Variants in CARMIL1 observed in about 807,000 individuals in gnomAD.
The protein encoded by CARMIL1 is capping protein regulator and myosin 1 linker 1.
Under a neutral mutation model 177.1 loss-of-function variants are expected in CARMIL1, and 90 were observed. The observed-to-expected ratio is 0.51, with a 90% confidence interval of 0.43 to 0.61. CARMIL1 has a LOEUF of 0.61. Among genes scored for constraint, CARMIL1 ranks in the 20% least tolerant of loss-of-function variants. The pLI is 0.00. For synonymous variants in CARMIL1, 577 were observed against 606.2 expected (o/e 0.95, Z 0.71); for missense variants, 1,380 against 1,667.0 (o/e 0.83, Z 3.00).
At position 25,345,145 on chromosome 6, in the gene CARMIL1, C is replaced by T. The variant is rs545141220; in HGVS notation, c.138+60236C>T. Among the ~76,000 whole-genome samples, 19 of 152,216 alleles carry T rather than the reference C, an allele frequency of 1.2e-4. No homozygotes were observed. The South Asian group carries it at 3.5e-3, about 28-fold the overall frequency. On this transcript the variant is annotated intron_variant, in intron 2 of 36. Coordinates refer to ENST00000329474, the MANE Select transcript of CARMIL1 (RefSeq NM_017640.6). ...GGGGCCACGGGTAGCATTTCCTTGC[C>T]GAAGCCCATGGTCAGGACCCACTCC...
At chr6:25,498,899 T>C (rs1399037620) in intron 16 of CARMIL1, among the ~76,000 whole-genome samples, 7 of 152,196 alleles carry the variant, frequency 4.6e-5, no homozygotes. Flanking sequence ...AGATGAGATA[T>C]ACCCAGTCTT....
intron 4 of CARMIL1, chr6:25,432,913 T>TATG: frequency 6.6e-6 from 1 of 152,204 alleles, no homozygotes; most frequent in South Asian, 2.1e-4. Context: ...TCTCTATTAT[T>TATG]TTAAATGTAT....
At chr6:25,594,575 A>C in intron 32 of CARMIL1, 48 bp downstream of exon 32, 2 of 1,028,854 alleles carry the variant, frequency 1.9e-6, no homozygotes, top group Non-Finnish European at 3.0e-6. Flanking sequence ...TTCATATTTA[A>C]ATTACTAACA....
At chr6:25,299,846 C>T (rs1269734853) in intron 2 of CARMIL1, among the ~76,000 whole-genome samples, 2 of 151,748 alleles carry the variant, frequency 1.3e-5, no homozygotes, top group African/African-American at 2.4e-5. Flanking sequence ...GGTGTGGTGG[C>T]GGGTGCCTGT....
At chr6:25,317,678 A>C (rs1471405775) in intron 2 of CARMIL1, among the ~76,000 whole-genome samples, 1 of 149,478 alleles carries the variant, frequency 6.7e-6, no homozygotes, top group Non-Finnish European at 1.5e-5. Context: ...CCCCTACCTC[A>C]TTCTCCTGAC....
chr6:25,548,512 ATATT>A (rs1301969656), intron 26 of CARMIL1, among the ~76,000 whole-genome samples: 2 of 152,096 alleles, frequency 1.3e-5, no homozygotes, highest in Non-Finnish European at 2.9e-5. Flanking sequence ...TTGTAGATAA[ATATT>A]TGGTTGAGAC....
chr6:25,400,824 T>TCATC (rs1428954199), intron 2 of CARMIL1, among the ~76,000 whole-genome samples: 3 of 152,194 alleles, frequency 2.0e-5, no homozygotes, highest in Admixed American at 1.3e-4. Context: ...ATCTTCAGTG[T>TCATC]CATCATGAAA....
chr6:25,426,412 AT>A (rs5875038), intron 3 of CARMIL1, 88 bp from the exon 4 acceptor site: 291,080 of 757,288 alleles, frequency 0.38, 21,124 homozygotes, highest in African/African-American at 0.47. Flanking sequence ...TAGTTGTAGG[AT>A]TTTTTTTTTT....
intron 29 of CARMIL1, among the ~76,000 whole-genome samples, chr6:25,570,487 T>G (rs1811980706): frequency 1.3e-5 from 2 of 152,206 alleles, no homozygotes; most frequent in South Asian, 4.1e-4. Context: ...ATTTTTACTT[T>G]TGCAGCAGTT....
At chr6:25,500,785 T>G (rs1228063271) in intron 17 of CARMIL1, among the ~76,000 whole-genome samples, 1 of 152,088 alleles carries the variant, frequency 6.6e-6, no homozygotes. Flanking sequence ...CTTCTTTTTT[T>G]GAGATGGAGT....
Position 25,380,601 on chromosome 6 carries a change from C to G in CARMIL1, c.139-39513C>G, listed in dbSNP as rs558386773. On this transcript the variant is annotated intron_variant, in intron 2 of 36. Coordinates refer to ENST00000329474, the MANE Select transcript of CARMIL1 (RefSeq NM_017640.6). ...AAAAACTAAAAAAAACTTATACCTC[C>G]TATTGTTTGAATTAGATTTCATGTT... 2.6e-5 allele frequency among the ~76,000 whole-genome samples: 4 copies of G among 152,224 alleles called. No homozygotes were observed. The East Asian group carries it at 7.7e-4, about 29-fold the overall frequency.
intron 2 of CARMIL1, among the ~76,000 whole-genome samples, chr6:25,401,672 G>T (rs985985): frequency 0.43 from 65,103 of 151,982 alleles, 14,149 homozygotes; most frequent in Middle Eastern, 0.57. Context: ...AAGCTCATTC[G>T]CCAGCTGTCG....
At chr6:25,423,615 A>G (rs962785275) in intron 3 of CARMIL1, among the ~76,000 whole-genome samples, 1 of 152,122 alleles carries the variant, frequency 6.6e-6, no homozygotes, top group Non-Finnish European at 1.5e-5. Flanking sequence ...TGAAGCATAG[A>G]CTGCTGCCTG....
chr6:25,284,192 G>A (rs1305624195), intron 1 of CARMIL1, among the ~76,000 whole-genome samples: 1 of 152,188 alleles, frequency 6.6e-6, no homozygotes, highest in Non-Finnish European at 1.5e-5. Flanking sequence ...TGCATGCAAC[G>A]TAGTGTTTCA....
chr6:25,315,970 T>C (rs1286013577), intron 2 of CARMIL1, among the ~76,000 whole-genome samples: 15 of 152,188 alleles, frequency 9.9e-5, no homozygotes, highest in African/African-American at 2.7e-4. Flanking sequence ...ACATTACACT[T>C]GAGAAACACT....
At chr6:25,357,169 G>A (rs912041368) in intron 2 of CARMIL1, among the ~76,000 whole-genome samples, 3 of 151,336 alleles carry the variant, frequency 2.0e-5, no homozygotes, top group Non-Finnish European at 2.9e-5. Flanking sequence ...TAAAATAAAC[G>A]TAATTAATTA....
chr6:25,540,088 G>T lies in CARMIL1; in HGVS notation c.2328+10G>T. 3.2e-6 allele frequency: 5 copies of T among 1,575,984 alleles called. No homozygotes were observed. The highest frequency in any genetic ancestry group is 4.3e-6 in the Non-Finnish European group (5 of 1,166,814). On this transcript the variant is annotated intron_variant, in intron 26 of 36. Coordinates refer to ENST00000329474, the MANE Select transcript of CARMIL1 (RefSeq NM_017640.6). Reference sequence around the variant, plus strand: ...AGATGAACAACTAAAGGTTTGTGGGGTTTGTTATTTGGGAAATGAAATTGT... The same window carrying T: ...AGATGAACAACTAAAGGTTTGTGGGTTTTGTTATTTGGGAAATGAAATTGT...
chr6:25,302,649 C>G (rs1172229973), intron 2 of CARMIL1, among the ~76,000 whole-genome samples: 1 of 152,242 alleles, frequency 6.6e-6, no homozygotes, highest in Non-Finnish European at 1.5e-5. Context: ...TCTCTTTACT[C>G]AGCAGCCTTA....
Position 25,558,656 on chromosome 6 carries a change from GTAGATGTAGA to G in CARMIL1, c.2742+1808_2742+1817del, listed in dbSNP as rs1810847904. Among the ~76,000 whole-genome samples, 1 of 152,194 alleles carries G rather than the reference GTAGATGTAGA, an allele frequency of 6.6e-6. No homozygotes were observed. The highest frequency in any genetic ancestry group is 2.4e-5 in the African/African-American group (1 of 41,440). ...TGCCATGATGCCTAAAGAGGCAGGA[GTAGATGTAGA>G]TCTCTTTGAATTCAACTCTCAGGAC... On this transcript the variant is annotated intron_variant, in intron 29 of 36. Coordinates refer to ENST00000329474, the MANE Select transcript of CARMIL1 (RefSeq NM_017640.6). The surrounding 1 kb of genome is among the most constrained non-coding windows in gnomAD (Gnocchi z 4.1).
Sources: allele counts gnomAD v4.1 joint callset (sites outside exome capture counted in the v4.1 genomes callset), GRCh38; gene constraint gnomAD v4.1.1; non-coding constraint Gnocchi (gnomAD v3.1); transcripts MANE v1.5; gene names NCBI Gene and HGNC (gene_info 2026-07-23, HGNC 2026-07-21).